Variants in NSMAF observed in about 807,000 individuals in gnomAD.
NSMAF encodes protein FAN.
NSMAF carries 90 observed loss-of-function variants against 134.9 expected under a neutral mutation model. That is an observed-to-expected ratio of 0.67 (90% CI 0.56 to 0.79). NSMAF has a LOEUF of 0.79. Ranked by LOEUF, NSMAF falls within the 30% of genes least tolerant of loss-of-function variation. The pLI is 0.00. For synonymous variants in NSMAF, 358 were observed against 389.6 expected, an observed-to-expected ratio of 0.92 and a Z score of 0.96; for missense variants, 1,010 against 1,119.0, an observed-to-expected ratio of 0.90 and a Z score of 1.39.
At chr8:58,615,242 A>G (rs1806631903) in intron 9 of NSMAF, among the ~76,000 whole-genome samples, 1 of 152,248 alleles carries the variant, frequency 6.6e-6, no homozygotes, top group South Asian at 2.1e-4. Context: ...CACCACTGAC[A>G]ATTTTAACAT....
intron 9 of NSMAF, among the ~76,000 whole-genome samples, chr8:58,610,510 A>G (rs1234297987): frequency 6.6e-6 from 1 of 152,188 alleles, no homozygotes; most frequent in Non-Finnish European, 1.5e-5. Flanking sequence ...TAACAACCAA[A>G]ATGAGCTGGA....
At chr8:58,615,095 A>T (rs1309041706) in intron 9 of NSMAF, among the ~76,000 whole-genome samples, 1 of 152,212 alleles carries the variant, frequency 6.6e-6, no homozygotes, top group Non-Finnish European at 1.5e-5. Context: ...ACTATCACAA[A>T]TGAAGAGGGA....
intron 6 of NSMAF, among the ~76,000 whole-genome samples, chr8:58,629,481 T>C (rs1336733759): frequency 2.0e-5 from 3 of 152,238 alleles, no homozygotes; most frequent in Non-Finnish European, 1.5e-5. Context: ...TGACAATAGT[T>C]TTGAATTCCT....
At chr8:58,648,892 C>T (rs1042306877) in intron 1 of NSMAF, among the ~76,000 whole-genome samples, 3 of 152,234 alleles carry the variant, frequency 2.0e-5, no homozygotes, top group African/African-American at 4.8e-5. Flanking sequence ...ATACAGAGAA[C>T]GTCTACGACA....
rs773760815 is a variant in NSMAF, at chr8:58,599,777, C to T, written c.1426G>A (p.Asp476Asn). 2.5e-6 allele frequency: 4 copies of T among 1,614,096 alleles called. No individual in the cohort carries two copies. Among genetic ancestry groups the T allele is most frequent in the Middle Eastern group, 1.6e-4 (1 of 6,062 alleles). ...GAAGCCCAAGGGGGAAGCTCCACGTCGTCAACCATCTGTCCTCCTTGTCTC... is the reference window on the plus strand; with the variant it reads ...GAAGCCCAAGGGGGAAGCTCCACGTTGTCAACCATCTGTCCTCCTTGTCTC... ...GKRQGGQMVDDVELPPWASSP... is the reference protein window; with the variant it reads ...GKRQGGQMVDNVELPPWASSP... Residue 476 changes from aspartate to asparagine, a missense_variant, in exon 18 of 31, where the codon GAC (aspartate) becomes AAC (asparagine). Transcript: ENST00000038176.
rs1807370473 is a variant in NSMAF at position 58,643,014 on chromosome 8, T to C, written c.119A>G (p.His40Arg). ...ATGGTGACTGCCCTTGTGCAAAATG[T>C]GATTGGCTCTATGCTGTTCAAAGTA... Reference protein sequence around the residue: ...EYYFEQHRANHILHKGSHHER... With the variant: ...EYYFEQHRANRILHKGSHHER... Residue 40 changes from histidine to arginine, a missense_variant, in exon 2 of 31, where the codon CAC becomes CGC. Coordinates refer to ENST00000038176, the MANE Select transcript of NSMAF (RefSeq NM_003580.4). 1 of 1,613,982 alleles carries C rather than the reference T, an allele frequency of 6.2e-7. No individual in the cohort carries two copies. Among genetic ancestry groups the C allele is most frequent in the African/African-American group, 1.3e-5 (1 of 74,914 alleles).
intron 1 of NSMAF, among the ~76,000 whole-genome samples, chr8:58,644,488 G>A (rs997899167): frequency 1.3e-5 from 2 of 152,220 alleles, no homozygotes; most frequent in Non-Finnish European, 2.9e-5. Flanking sequence ...ACGATGTGGA[G>A]AAATAGGAAT....
In NSMAF at chr8:58,637,042, C is replaced by CACACACACA. The variant is rs1563541180; in HGVS notation, c.150-1497_150-1496insTGTGTGTGT. ...TACACACACACACACACACACACAC[C>CACACACACA]CACACACAAACACACATATTTATAA... On this transcript the variant is annotated intron_variant, in intron 2 of 30. Coordinates refer to ENST00000038176, the MANE Select transcript of NSMAF (RefSeq NM_003580.4). 5.0e-3 allele frequency among the ~76,000 whole-genome samples: 716 copies of CACACACACA among 142,466 alleles called. 8 individuals carry two copies. Among genetic ancestry groups the CACACACACA allele is most frequent in the African/African-American group, 0.019 (666 of 35,492 alleles). 93.5% of individuals were successfully genotyped at this position (142,466 alleles called of 152,430 possible). A position where few individuals can be genotyped will look rare whatever the true frequency, so the allele number is the denominator to read the frequency against.
rs1806829402 is a variant in NSMAF, at chr8:58,623,215, C to G, written c.557+5G>C. 6.3e-7 allele frequency: 1 copy of G among 1,598,824 alleles called. No individual in the cohort carries two copies. Among genetic ancestry groups the G allele is most frequent in the African/African-American group, 1.3e-5 (1 of 74,688 alleles). On this transcript the variant is annotated splice_donor_5th_base_variant and intron_variant, in intron 9 of 30. Transcript: ENST00000038176. ...TCTAATTAGGAAAGATCATTAGAAA[C>G]TTACCTGTTTTTGTCAAATGATGTT...
intron 6 of NSMAF, among the ~76,000 whole-genome samples, chr8:58,629,832 T>A (rs1807016890): frequency 6.6e-6 from 1 of 152,220 alleles, no homozygotes; most frequent in Non-Finnish European, 1.5e-5. Flanking sequence ...CTTGGACTCC[T>A]TTGCTGTCTC....
At chr8:58,643,974 C>T (rs962882139) in intron 1 of NSMAF, among the ~76,000 whole-genome samples, 1 of 152,108 alleles carries the variant, frequency 6.6e-6, no homozygotes, top group Non-Finnish European at 1.5e-5. Context: ...CTTTTAAAAA[C>T]AAGAGAAGTC....
intron 9 of NSMAF, among the ~76,000 whole-genome samples, chr8:58,612,923 G>A (rs1170099684): frequency 6.6e-6 from 1 of 152,122 alleles, no homozygotes; most frequent in East Asian, 1.9e-4. Context: ...ACAATGGAAT[G>A]ACAATCTTTA....
At chr8:58,608,100 G>T (rs577284209) in intron 10 of NSMAF, among the ~76,000 whole-genome samples, 1 of 152,318 alleles carries the variant, frequency 6.6e-6, no homozygotes, top group South Asian at 2.1e-4. Context: ...ATCTTTCAGG[G>T]ATATTTCAGG....
chr8:58,659,715 C>T lies in NSMAF; in HGVS notation c.-84G>A, dbSNP rs969031696. On this transcript the variant is annotated 5_prime_UTR_variant, in exon 1 of 31. Coordinates refer to ENST00000038176, the MANE Select transcript of NSMAF (RefSeq NM_003580.4). Reference sequence around the variant, plus strand: ...GGAGGTCCGGAGGAGCCGGGGAGGGCGGGATTGGTGGCCGGCTGGGGAGCG... The same window carrying T: ...GGAGGTCCGGAGGAGCCGGGGAGGGTGGGATTGGTGGCCGGCTGGGGAGCG... 6 of 1,150,994 alleles carry T rather than the reference C, an allele frequency of 5.2e-6. No homozygotes were observed. The African/African-American group carries it at 8.1e-5, about 16-fold the overall frequency. The allele number at this position is 1,150,994 out of a possible 1,614,324, so 71.3% of individuals were successfully genotyped here.
At chr8:58,625,029 G>A (rs1190179453) in intron 6 of NSMAF, among the ~76,000 whole-genome samples, 1 of 152,196 alleles carries the variant, frequency 6.6e-6, no homozygotes, top group African/African-American at 2.4e-5. Context: ...GGGTGTATCT[G>A]TGAGGATGTT....
At chr8:58,597,760 TA>T in intron 20 of NSMAF, 99 bp downstream of exon 20, 2 of 1,013,132 alleles carry the variant, frequency 2.0e-6, no homozygotes, top group South Asian at 2.9e-5. Flanking sequence ...GAATTCATTT[TA>T]AAATTTCCAT....
chr8:58,615,929 T>A (rs534020256), intron 9 of NSMAF, among the ~76,000 whole-genome samples: 24 of 152,186 alleles, frequency 1.6e-4, no homozygotes, highest in East Asian at 1.2e-3. Context: ...TGATTTTTTT[T>A]AAAAAGAGAA....
At chr8:58,639,529 A>G (rs1563542120) in intron 2 of NSMAF, among the ~76,000 whole-genome samples, 1 of 152,228 alleles carries the variant, frequency 6.6e-6, no homozygotes, top group Non-Finnish European at 1.5e-5. Context: ...TTTAGCCATT[A>G]AAGAAAACAG....
chr8:58,603,110 C>A (rs78629641), intron 13 of NSMAF, 100 bp downstream of exon 13: 44,757 of 1,172,148 alleles, frequency 0.038, 1,053 homozygotes, highest in Non-Finnish European at 0.045. Flanking sequence ...GTTCACATGT[C>A]ACATCACAAT....
Sources: gnomAD v4.1 joint callset for allele counts (sites outside exome capture counted in the v4.1 genomes callset) on GRCh38, gnomAD v4.1.1 for gene constraint, MANE v1.5 for transcripts, NCBI Gene and HGNC (gene_info 2026-07-23, HGNC 2026-07-21) for gene names.